Variants in PPP1R21 observed in about 807,000 individuals in gnomAD.
The protein encoded by PPP1R21 is protein phosphatase 1 regulatory subunit 21, also known as KLRAQ motif containing 1.
In PPP1R21, 85 loss-of-function variants were observed where a neutral mutation model predicts 112.8. The ratio of observed to expected loss-of-function variants is 0.75; its 90% CI spans 0.63 to 0.90. PPP1R21 has a LOEUF of 0.90. Ranked by LOEUF, PPP1R21 falls within the 40% of genes least tolerant of loss-of-function variation. The probability of loss-of-function intolerance (pLI) is 0.00; values close to 1 mark genes in which losing one functional copy is unlikely to be tolerated. For missense variants in PPP1R21, 1,199 were observed against 901.5 expected, an observed-to-expected ratio of 1.33 and a Z score of -4.23; for synonymous variants, 381 against 322.3, an observed-to-expected ratio of 1.18 and a Z score of -1.95.
chr2:48,490,477 T>C (rs1032248552), intron 14 of PPP1R21, among the ~76,000 whole-genome samples: 23 of 152,196 alleles, frequency 1.5e-4, no homozygotes, highest in Admixed American at 2.0e-4. Flanking sequence ...GCTGCTTACA[T>C]AGAGTTAACA....
chr2:48,500,933 A>C (rs747907613), intron 17 of PPP1R21, among the ~76,000 whole-genome samples: 42 of 152,182 alleles, frequency 2.8e-4, no homozygotes, highest in Non-Finnish European at 5.4e-4. Context: ...CCAAAGAAAC[A>C]AAAAGAATAC....
At chr2:48,473,316 C>T (rs542643151) in intron 11 of PPP1R21, among the ~76,000 whole-genome samples, 1 of 152,194 alleles carries the variant, frequency 6.6e-6, no homozygotes, top group Admixed American at 6.5e-5. Flanking sequence ...TGAAAATCGA[C>T]TCTAGAGGTT....
rs1356858982 is a variant in PPP1R21 at position 48,511,352 on chromosome 2, A to G, written c.2197A>G (p.Thr733Ala). 5.0e-6 allele frequency: 8 copies of G among 1,613,116 alleles called. No individual in the cohort carries two copies. The highest frequency in any genetic ancestry group is 2.2e-5 in the East Asian group (1 of 44,872). ...CTTTGCTATTTAGGATGAGCTGACA[A>G]CTACCAAGAGGAGTTACGAGGATCA... ...NISRLQDELT[T>A]TKRSYEDQLS... Residue 733 changes from threonine to alanine, a missense_variant, in exon 21 of 22, where the codon ACT becomes GCT. Transcript: ENST00000294952.
At chr2:48,491,233 C>A in intron 15 of PPP1R21, 63 bp downstream of exon 15, 1 of 1,542,702 alleles carries the variant, frequency 6.5e-7, no homozygotes, top group Non-Finnish European at 8.8e-7. Flanking sequence ...TAGAGAATGG[C>A]AAGAGTTTTT....
intron 12 of PPP1R21, among the ~76,000 whole-genome samples, chr2:48,478,534 C>T (rs1668859087): frequency 6.6e-6 from 1 of 152,200 alleles, no homozygotes; most frequent in Non-Finnish European, 1.5e-5. Flanking sequence ...CTGCTGATTG[C>T]TGATTGATTG....
At chr2:48,447,446 C>T (rs1667297296) in intron 1 of PPP1R21, among the ~76,000 whole-genome samples, 1 of 151,948 alleles carries the variant, frequency 6.6e-6, no homozygotes, top group Non-Finnish European at 1.5e-5. Flanking sequence ...TGAAAATAAG[C>T]TCTATCATCT....
Position 48,454,710 on chromosome 2 carries a change from C to T in PPP1R21, c.242C>T (p.Ala81Val), listed in dbSNP as rs143554082. The T allele has an allele frequency of 1.7e-4, 268 of 1,614,056 alleles. No homozygotes were observed. The highest frequency in any genetic ancestry group is 1.2e-3 in the Middle Eastern group (7 of 6,062). The change falls in exon 3 of 22, where the codon GCT (alanine) becomes GTT (valine). Residue 81 changes from alanine to valine, a missense_variant. By Grantham distance (64) the Ala-to-Val change is moderately conservative. Coordinates refer to ENST00000294952, the MANE Select transcript of PPP1R21 (RefSeq NM_001135629.3). ...GTAGAACTACTTCAAGATGAACTAG[C>T]TCTAAGTGAACCACGAGGCAAGAAA... ...KRVELLQDEL[A>V]LSEPRGKKNK...
intron 18 of PPP1R21, among the ~76,000 whole-genome samples, chr2:48,506,938 C>T (rs1488210378): frequency 2.0e-5 from 2 of 100,634 alleles, no homozygotes; most frequent in Non-Finnish European, 3.9e-5. Context: ...GAGTGAGACT[C>T]TGCCTCAAAA....
chr2:48,458,787 G>A (rs977292496), intron 4 of PPP1R21, among the ~76,000 whole-genome samples: 5 of 151,984 alleles, frequency 3.3e-5, no homozygotes, highest in African/African-American at 1.2e-4. Flanking sequence ...CCAAACCACT[G>A]AGCATATTCT....
intron 7 of PPP1R21, among the ~76,000 whole-genome samples, chr2:48,461,733 CTT>C: frequency 6.6e-6 from 1 of 152,270 alleles, no homozygotes; most frequent in East Asian, 1.9e-4. Flanking sequence ...AAAAATACTA[CTT>C]TACATGTGTA....
chr2:48,507,424 A>C, intron 19 of PPP1R21, 39 bp downstream of exon 19: 1 of 1,585,616 alleles, frequency 6.3e-7, no homozygotes, highest in South Asian at 1.2e-5. Context: ...TTTTTTTCCT[A>C]ACCCCTGCAG....
Position 48,471,359 on chromosome 2 carries a change from G to A in PPP1R21, c.1080G>A (p.Gln360=). 8.1e-6 allele frequency: 13 copies of A among 1,606,734 alleles called. No individual in the cohort carries two copies. The highest frequency in any genetic ancestry group is 1.1e-5 in the Non-Finnish European group (13 of 1,177,822). ...ICFLRKILPY[Q]LKSLEEECES... Reference sequence around the variant, plus strand: ...TTCTTAGGAAGATTCTTCCCTATCAGTTAAAAAGGTAGTTACCCCCGGAGG... The same window carrying A: ...TTCTTAGGAAGATTCTTCCCTATCAATTAAAAAGGTAGTTACCCCCGGAGG... The change falls in exon 11 of 22, where the codon CAG becomes CAA. Residue 360 remains glutamine (Q), a synonymous_variant. Transcript: ENST00000294952.
At position 48,469,273 on chromosome 2, in the gene PPP1R21, G is replaced by T. The variant is rs1453246361; in HGVS notation, c.898-1814G>T. Among the ~76,000 whole-genome samples, 3 of 36,124 alleles carry T rather than the reference G, an allele frequency of 8.3e-5. 1 individual carries two copies. Among genetic ancestry groups the T allele is most frequent in the Non-Finnish European group, 1.8e-4 (3 of 16,686 alleles). The allele number at this position is 36,124 out of a possible 152,430, so 23.7% of individuals were successfully genotyped here. A position where few individuals can be genotyped will look rare whatever the true frequency, so the allele number is the denominator to read the frequency against. On this transcript the variant is annotated intron_variant, in intron 9 of 21. Coordinates refer to ENST00000294952, the MANE Select transcript of PPP1R21 (RefSeq NM_001135629.3). ...CAATATATTTGAATTGTGTGTGTGT[G>T]TGTGTGTGTGTGTGTGTGTGTGTAT...
At chr2:48,499,950 A>G (rs753394359) in intron 17 of PPP1R21, among the ~76,000 whole-genome samples, 2 of 151,944 alleles carry the variant, frequency 1.3e-5, no homozygotes, top group Non-Finnish European at 2.9e-5. Context: ...TTTAACAAAC[A>G]TTTTTTTTAC....
intron 1 of PPP1R21, among the ~76,000 whole-genome samples, chr2:48,447,693 A>G (rs1444497480): frequency 6.6e-6 from 1 of 152,200 alleles, no homozygotes; most frequent in Non-Finnish European, 1.5e-5. Flanking sequence ...TCATGACTGT[A>G]ATCCCAGCAC....
chr2:48,465,245 ACT>A (rs1668149240), intron 8 of PPP1R21, among the ~76,000 whole-genome samples: 1 of 152,178 alleles, frequency 6.6e-6, no homozygotes, highest in South Asian at 2.1e-4. Context: ...TTTGAGCCAT[ACT>A]TTTTTGTGGA....
intron 15 of PPP1R21, among the ~76,000 whole-genome samples, chr2:48,493,011 CTTTTT>C (rs746795481): frequency 1.0e-5 from 1 of 96,662 alleles, no homozygotes; most frequent in Non-Finnish European, 2.0e-5. Flanking sequence ...GGTCATTTAC[CTTTTT>C]TTTTTTTTTT....
chr2:48,496,968 C>G (rs935515287), intron 16 of PPP1R21, among the ~76,000 whole-genome samples: 1 of 152,246 alleles, frequency 6.6e-6, no homozygotes, highest in Non-Finnish European at 1.5e-5. Context: ...TAAATCTCTT[C>G]ATCTGTATCC....
intron 17 of PPP1R21, among the ~76,000 whole-genome samples, chr2:48,500,939 A>G (rs1670084225): frequency 6.6e-6 from 1 of 152,022 alleles, no homozygotes; most frequent in South Asian, 2.1e-4. Flanking sequence ...AAACAAAAAG[A>G]ATACCTTCCT....
Sources: gnomAD v4.1 joint callset for allele counts (sites outside exome capture counted in the v4.1 genomes callset) on GRCh38, gnomAD v4.1.1 for gene constraint, MANE v1.5 for transcripts, NCBI Gene and HGNC (gene_info 2026-07-23, HGNC 2026-07-21) for gene names.